The following NCAM1 variants were observed in gnomAD, a reference collection of about 807,000 sequenced individuals.
NCAM1 encodes the protein neural cell adhesion molecule 1.
NCAM1 carries 14 observed loss-of-function variants against 109.8 expected under a neutral mutation model. That is an observed-to-expected ratio of 0.13 (90% CI 0.08 to 0.20). The LOEUF is 0.20. NCAM1 is among the 10% of genes least tolerant of loss of function. The pLI, the probability that NCAM1 is intolerant of heterozygous loss-of-function variation, is 1.00. For missense variants in NCAM1, 774 were observed against 1,109.9 expected, an observed-to-expected ratio of 0.70 and a Z score of 4.30; for synonymous variants, 418 against 442.9, an observed-to-expected ratio of 0.94 and a Z score of 0.70.
chr11:113,231,820 T>C (rs1383260205), intron 10 of NCAM1, 25 bp downstream of exon 10: 11 of 1,613,202 alleles, frequency 6.8e-6, no homozygotes, highest in Middle Eastern at 1.6e-4. Context: ...GGGAAGGACC[T>C]GGGGGAGGGA....
chr11:112,990,620 A>C (rs1435199638), intron 1 of NCAM1, among the ~76,000 whole-genome samples: 1 of 152,118 alleles, frequency 6.6e-6, no homozygotes, highest in African/African-American at 2.4e-5. Flanking sequence ...TCTCTTGGCC[A>C]TTTCTGATCC....
chr11:113,236,415 G>A, intron 14 of NCAM1: 2 of 1,310,442 alleles, frequency 1.5e-6, no homozygotes, highest in Non-Finnish European at 2.2e-6. Context: ...TCCCCTAGAG[G>A]CTGAAGTAGA....
chr11:113,277,814 C>T lies in NCAM1; in HGVS notation c.*2427C>T, dbSNP rs192443926. ...TTTTGGTCTGTTCTCTCCCATTACA[C>T]ATAGGTTTGTCTCAGCATGCAAGAG... On this transcript the variant is annotated 3_prime_UTR_variant, in exon 20 of 20. Coordinates refer to ENST00000316851, the MANE Select transcript of NCAM1 (RefSeq NM_181351.5). 213 of 119,410 alleles carry T rather than the reference C, an allele frequency of 1.8e-3. No homozygotes were observed. Among genetic ancestry groups the T allele is most frequent in the Admixed American group, 2.7e-3 (23 of 8,590 alleles). The allele number at this position is 119,410 out of a possible 1,614,324, so 7.4% of individuals were successfully genotyped here.
chr11:113,048,895 T>G (rs1274082313), intron 1 of NCAM1, among the ~76,000 whole-genome samples: 1 of 152,204 alleles, frequency 6.6e-6, no homozygotes, highest in Non-Finnish European at 1.5e-5. Context: ...TCTGCTTGGT[T>G]TACAATCCTT....
rs1555126773 is a variant in NCAM1 at position 113,277,114 on chromosome 11, AGAT to A, written c.*1732_*1734del. The A allele has an allele frequency of 5.3e-6, 2 of 380,544 alleles. No homozygotes were observed. Among genetic ancestry groups the A allele is most frequent in the Non-Finnish European group, 9.3e-6 (2 of 215,094 alleles). 23.6% of individuals were successfully genotyped at this position (380,544 alleles called of 1,614,324 possible). A position where few individuals can be genotyped will look rare whatever the true frequency, so the allele number is the denominator to read the frequency against. On this transcript the variant is annotated 3_prime_UTR_variant, in exon 20 of 20. Transcript: ENST00000316851. Reference sequence around the variant, plus strand: ...ATACAGATGATGATGATGATGATGAAGATGATGCTAAGTAAACAGAAATCAGTA... The same window carrying A: ...ATACAGATGATGATGATGATGATGAAGATGCTAAGTAAACAGAAATCAGTA...
chr11:113,277,715 T>G lies in NCAM1; in HGVS notation c.*2328T>G. On this transcript the variant is annotated 3_prime_UTR_variant, in exon 20 of 20. Transcript: ENST00000316851. ...AGGAAGAAACAGGTCAGCCCTCAGA[T>G]CACCTGGCCCGGGACAGCTGACCCC... The G allele has an allele frequency of 3.2e-6, 1 of 313,812 alleles. No individual in the cohort carries two copies. The highest frequency in any genetic ancestry group is 5.8e-6 in the Non-Finnish European group (1 of 172,542). The allele number at this position is 313,812 out of a possible 1,614,324, so 19.4% of individuals were successfully genotyped here.
chr11:113,010,963 A>G (rs1952033761), intron 1 of NCAM1, among the ~76,000 whole-genome samples: 1 of 149,854 alleles, frequency 6.7e-6, no homozygotes, highest in African/African-American at 2.5e-5. Context: ...TTGGGGTAGG[A>G]TTTTTTTTTT....
chr11:112,991,981 TA>T lies in NCAM1; in HGVS notation c.52+30318del, dbSNP rs369111752. 2.7e-4 allele frequency among the ~76,000 whole-genome samples: 41 copies of T among 152,274 alleles called. No homozygotes were observed. The East Asian group carries it at 7.3e-3, about 27-fold the overall frequency. The stretch of plus-strand genomic sequence containing the variant: ...TAAGGCATTAAATATATTTTTATAT[TA>T]TTTTTATTGTTGAAGTATCTTTTAT... On this transcript the variant is annotated intron_variant, in intron 1 of 19. Transcript: ENST00000316851.
chr11:112,982,578 G>A (rs1347917519), intron 1 of NCAM1, among the ~76,000 whole-genome samples: 1 of 151,852 alleles, frequency 6.6e-6, no homozygotes, highest in African/African-American at 2.4e-5. Flanking sequence ...GTGATGGGAG[G>A]TGGAATTGGA....
At chr11:113,100,823 C>T (rs11214488) in intron 1 of NCAM1, among the ~76,000 whole-genome samples, 33,379 of 151,916 alleles carry the variant, frequency 0.22, 3,868 homozygotes, top group East Asian at 0.48. Flanking sequence ...TTTATGGCCG[C>T]GGGCCCAGGC....
In NCAM1 at chr11:113,016,884, C is replaced by T. The variant is rs919874547; in HGVS notation, c.52+55220C>T. ...AAAGTAGAAATTATTTCTGCATGCA[C>T]CGGCAAAACATTAGCACCCATAAAA... On this transcript the variant is annotated intron_variant, in intron 1 of 19. Transcript: ENST00000316851. Among the ~76,000 whole-genome samples, 4 of 152,334 alleles carry T rather than the reference C, an allele frequency of 2.6e-5. No individual in the cohort carries two copies. The East Asian group carries it at 7.7e-4, about 29-fold the overall frequency.
intron 1 of NCAM1, among the ~76,000 whole-genome samples, chr11:113,056,566 C>G (rs1165371855): frequency 6.6e-6 from 1 of 152,130 alleles, no homozygotes. Context: ...AAACTCTCTT[C>G]CTTTCTGGTC....
At chr11:113,154,555 A>T (rs1426663227) in intron 1 of NCAM1, among the ~76,000 whole-genome samples, 5 of 152,250 alleles carry the variant, frequency 3.3e-5, no homozygotes, top group African/African-American at 1.2e-4. Context: ...GAGGTACTTT[A>T]AAATTGTGTT....
rs188276202 is a variant in NCAM1 at position 113,151,819 on chromosome 11, T to C, written c.53-50560T>C. Among the ~76,000 whole-genome samples the C allele has an allele frequency of 1.3e-4, 20 of 152,346 alleles. No homozygotes were observed. In the East Asian group the frequency reaches 1.7e-3, roughly 13 times the overall value. On this transcript the variant is annotated intron_variant, in intron 1 of 19. Coordinates refer to ENST00000316851, the MANE Select transcript of NCAM1 (RefSeq NM_181351.5). ...TAGTGGTCTGTTCTTATCCCCAGTG[T>C]AGCAAGTTCTAAATCCCATCAGCTT...
chr11:112,996,933 C>T (rs140234306), intron 1 of NCAM1, among the ~76,000 whole-genome samples: 3 of 152,292 alleles, frequency 2.0e-5, no homozygotes, highest in African/African-American at 7.2e-5. Flanking sequence ...TAACAGAAGT[C>T]AAGTTTTGAG....
rs184640681 is a variant in NCAM1, at chr11:113,200,296, G to A, written c.53-2083G>A. Among the ~76,000 whole-genome samples the A allele has an allele frequency of 2.2e-3, 334 of 152,260 alleles. 9 individuals carry two copies. The highest frequency in any genetic ancestry group is 0.019 in the South Asian group (90 of 4,822). The stretch of plus-strand genomic sequence containing the variant: ...GTAGTTCCCAGAGAATGAGAGCCAC[G>A]GGAAGTGACAGGGAAGGTCCTGGCT... On this transcript the variant is annotated intron_variant, in intron 1 of 19. Coordinates refer to ENST00000316851, the MANE Select transcript of NCAM1 (RefSeq NM_181351.5).
chr11:113,161,353 C>A (rs1555104372), intron 1 of NCAM1, among the ~76,000 whole-genome samples: 1 of 152,084 alleles, frequency 6.6e-6, no homozygotes, highest in African/African-American at 2.4e-5. Context: ...GCATGTCATA[C>A]CTTGGACTTG....
intron 1 of NCAM1, among the ~76,000 whole-genome samples, chr11:113,069,273 A>G (rs1938146172): frequency 6.6e-6 from 1 of 152,200 alleles, no homozygotes; most frequent in African/African-American, 2.4e-5. Flanking sequence ...TATGCCACAC[A>G]GCTTATAAAA....
intron 1 of NCAM1, among the ~76,000 whole-genome samples, chr11:113,117,264 TAA>T (rs782668951): frequency 2.4e-4 from 36 of 152,026 alleles, no homozygotes; most frequent in Non-Finnish European, 5.9e-5. Flanking sequence ...TGCTCAGATC[TAA>T]GTTATTCACA....
Sources: gnomAD v4.1 joint callset for allele counts (sites outside exome capture counted in the v4.1 genomes callset) on GRCh38, gnomAD v4.1.1 for gene constraint, MANE v1.5 for transcripts, NCBI Gene and HGNC (gene_info 2026-07-23, HGNC 2026-07-21) for gene names.